DAGLB: variants seen among roughly 807,000 people sequenced by gnomAD.
DAGLB encodes diacylglycerol lipase beta.
DAGLB carries 66 observed loss-of-function variants against 72.1 expected under a neutral mutation model. That is an observed-to-expected ratio of 0.92 (90% CI 0.75 to 1.12). The LOEUF is 1.12. Among genes scored for constraint, DAGLB ranks in the 50% most tolerant of loss-of-function variants. DAGLB has a pLI of 0.00. For missense variants in DAGLB, 1,065 were observed against 884.9 expected (o/e 1.20, Z -2.58); for synonymous variants, 414 against 359.5 (o/e 1.15, Z -1.71).
chr7:6,443,211 A>C lies in DAGLB; in HGVS notation c.247+2742T>G, dbSNP rs532372460. On this transcript the variant is annotated intron_variant, in intron 2 of 14. Coordinates refer to ENST00000297056, the MANE Select transcript of DAGLB (RefSeq NM_139179.4). ...CCGGAAAAAAAAAACAAAAAACAAA[A>C]AAAACAAAACAAAACAAACAAAAAA... Among the ~76,000 whole-genome samples, 36 of 149,976 alleles carry C rather than the reference A, an allele frequency of 2.4e-4. No individual in the cohort carries two copies. The East Asian group carries it at 5.3e-3, about 22-fold the overall frequency.
In DAGLB at chr7:6,413,027, G is replaced by A. The variant is rs958744692; in HGVS notation, c.1435C>T (p.Leu479=). Residue 479 remains leucine (L), a synonymous_variant, in exon 12 of 15, where the codon CTG becomes TTG. Transcript: ENST00000297056. ...SPPRGLWSKA[L]QEYSQSFIVS... is the part of the protein sequence containing the mutation. The stretch of plus-strand genomic sequence containing the variant: ...ATGAAGCTCTGAGAATATTCCTGCA[G>A]AGCTTTGCTGAAATTCCAAACAGAG... 5.6e-6 allele frequency: 9 copies of A among 1,612,658 alleles called. No homozygotes were observed. Among genetic ancestry groups the A allele is most frequent in the African/African-American group, 4.0e-5 (3 of 75,032 alleles).
At chr7:6,410,741 T>C (rs1030426620) in intron 13 of DAGLB, among the ~76,000 whole-genome samples, 6 of 152,180 alleles carry the variant, frequency 3.9e-5, no homozygotes, top group African/African-American at 1.4e-4. Flanking sequence ...GCATTAGATA[T>C]TAATTTCTAT....
At chr7:6,414,521 G>C (rs1024745022) in intron 11 of DAGLB, among the ~76,000 whole-genome samples, 15 of 150,304 alleles carry the variant, frequency 1.0e-4, no homozygotes, top group African/African-American at 3.4e-4. Flanking sequence ...GGCTGGTCTC[G>C]ATCTCCTGGG....
intron 11 of DAGLB, among the ~76,000 whole-genome samples, chr7:6,413,771 C>T (rs956450190): frequency 2.6e-5 from 4 of 152,236 alleles, no homozygotes; most frequent in East Asian, 1.9e-4. Context: ...CTCCCAACAA[C>T]GAGTCACATA....
Position 6,423,590 on chromosome 7 carries a change from A to ATT in DAGLB, c.1140+1160_1140+1161dup, listed in dbSNP as rs1312490603. On this transcript the variant is annotated intron_variant, in intron 8 of 14. Transcript: ENST00000297056. The stretch of plus-strand genomic sequence containing the variant: ...AGGTTCCCGCCACCATGCCCGGCTA[A>ATT]TTTTTTTTTTTTTTCTGAGACAGGG... 1.1e-3 allele frequency among the ~76,000 whole-genome samples: 164 copies of ATT among 144,018 alleles called. 3 individuals carry two copies. The highest frequency in any genetic ancestry group is 6.9e-3 in the Middle Eastern group (2 of 288). 94.5% of individuals were successfully genotyped at this position (144,018 alleles called of 152,430 possible). A position where few individuals can be genotyped will look rare whatever the true frequency, so the allele number is the denominator to read the frequency against.
At chr7:6,444,798 C>T (rs976482770) in intron 2 of DAGLB, among the ~76,000 whole-genome samples, 4 of 151,210 alleles carry the variant, frequency 2.6e-5, no homozygotes, top group Admixed American at 2.0e-4. Flanking sequence ...CCCAGCTATT[C>T]GGGAGGCTGA....
At chr7:6,419,101 T>A (rs933072899) in intron 9 of DAGLB, among the ~76,000 whole-genome samples, 3 of 145,424 alleles carry the variant, frequency 2.1e-5, no homozygotes, top group Non-Finnish European at 3.0e-5. Context: ...TTTTTTTTTT[T>A]GAGACGGAGT....
In DAGLB at chr7:6,424,782, C is replaced by G. The variant is rs1784249799; in HGVS notation, c.1110G>C (p.Val370=). The G allele has an allele frequency of 6.2e-7, 1 of 1,613,836 alleles. No homozygotes were observed. Among genetic ancestry groups the G allele is most frequent in the African/African-American group, 1.3e-5 (1 of 75,018 alleles). ...VALDHRKESV[V]VAVRGTMSLQ... ...GAGACATGGTCCCCCTCACAGCGAC[C>G]ACAACAGACTCTTTCCTGTGATCCA... is the stretch of plus-strand genomic sequence containing the variant. The change falls in exon 8 of 15, where the codon GTG becomes GTC. Residue 370 remains valine (V), a synonymous_variant. Transcript: ENST00000297056.
chr7:6,440,063 A>G (rs1197652552), intron 2 of DAGLB, among the ~76,000 whole-genome samples: 7 of 133,726 alleles, frequency 5.2e-5, no homozygotes, highest in African/African-American at 5.9e-5. Context: ...AAAAAAAAAA[A>G]AAAAGAAAGA....
At chr7:6,432,385 C>T (rs931874565) in intron 5 of DAGLB, among the ~76,000 whole-genome samples, 5 of 141,546 alleles carry the variant, frequency 3.5e-5, no homozygotes, top group South Asian at 4.6e-4. Context: ...AGGCTGGGCA[C>T]GGTGGCTCAC....
rs991681829 is a variant in DAGLB, at chr7:6,445,087, T to C, written c.247+866A>G. Among the ~76,000 whole-genome samples the C allele has an allele frequency of 2.0e-5, 3 of 152,284 alleles. No homozygotes were observed. In the South Asian group the frequency reaches 6.2e-4, roughly 32 times the overall value. On this transcript the variant is annotated intron_variant, in intron 2 of 14. Transcript: ENST00000297056. ...AAAGTCTGGCAGTTCCTCAAAAGGTTTCACAGAGCATTAACACATGATCCA... is the reference window on the plus strand; with the variant it reads ...AAAGTCTGGCAGTTCCTCAAAAGGTCTCACAGAGCATTAACACATGATCCA...
intron 13 of DAGLB, among the ~76,000 whole-genome samples, chr7:6,411,907 T>C (rs1351254110): frequency 6.6e-6 from 1 of 152,188 alleles, no homozygotes; most frequent in Non-Finnish European, 1.5e-5. Flanking sequence ...AATGGATATC[T>C]ATCTTTATCG....
chr7:6,439,268 A>G (rs1246019754), intron 2 of DAGLB, among the ~76,000 whole-genome samples: 1 of 143,288 alleles, frequency 7.0e-6, no homozygotes, highest in African/African-American at 2.5e-5. Flanking sequence ...AAGAAAAAAA[A>G]AGAAAAAAAA....
rs569502855 is a variant in DAGLB, at chr7:6,433,730, T to C, written c.679-771A>G. ...TGGCAGGTGCCTGTCATCCCAGCTA[T>C]TGTAGTACTCTAGCTACTCAGTACG... On this transcript the variant is annotated intron_variant, in intron 4 of 14. Coordinates refer to ENST00000297056, the MANE Select transcript of DAGLB (RefSeq NM_139179.4). Among the ~76,000 whole-genome samples, 165 of 151,998 alleles carry C rather than the reference T, an allele frequency of 1.1e-3. 1 individual carries two copies. The highest frequency in any genetic ancestry group is 3.3e-3 in the Admixed American group (51 of 15,238).
At chr7:6,447,484 C>G (rs1785047093) in intron 1 of DAGLB, among the ~76,000 whole-genome samples, 1 of 152,216 alleles carries the variant, frequency 6.6e-6, no homozygotes, top group African/African-American at 2.4e-5. Context: ...TGCTCGCGTC[C>G]TGCTGCGCGG....
Position 6,413,041 on chromosome 7 carries a change from T to C in DAGLB, c.1428-7A>G. Reference sequence around the variant, plus strand: ...ATATTCCTGCAGAGCTTTGCTGAAATTCCAAACAGAGAGAGGATGTTAGCT... The same window carrying C: ...ATATTCCTGCAGAGCTTTGCTGAAACTCCAAACAGAGAGAGGATGTTAGCT... On this transcript the variant is annotated splice_region_variant and splice_polypyrimidine_tract_variant and intron_variant, in intron 11 of 14. Coordinates refer to ENST00000297056, the MANE Select transcript of DAGLB (RefSeq NM_139179.4). The C allele has an allele frequency of 1.2e-6, 2 of 1,611,568 alleles. No individual in the cohort carries two copies. The highest frequency in any genetic ancestry group is 1.7e-6 in the Non-Finnish European group (2 of 1,178,104).
intron 11 of DAGLB, among the ~76,000 whole-genome samples, chr7:6,414,217 A>G (rs979653156): frequency 4.0e-5 from 6 of 151,556 alleles, no homozygotes; most frequent in African/African-American, 1.5e-4. Context: ...TCACCGTGTT[A>G]GCCAGGATGG....
intron 3 of DAGLB, 27 bp from the exon 4 acceptor site, chr7:6,435,047 C>G (rs201940690): frequency 1.2e-6 from 2 of 1,609,086 alleles, no homozygotes; most frequent in Admixed American, 3.3e-5. Context: ...GGAAAAGGCT[C>G]GGTGACTGCG....
chr7:6,446,477 CAAAAAAAAAAAAAAAAAAAAA>C (rs748156438), intron 1 of DAGLB, among the ~76,000 whole-genome samples: 1 of 58,636 alleles, frequency 1.7e-5, no homozygotes, highest in Non-Finnish European at 2.9e-5. Flanking sequence ...GACTCCGTCT[CAAAAAAAAAAAAAAAAAAAAA>C]AAAAAAAAAA....
Sources: allele counts gnomAD v4.1 joint callset (sites outside exome capture counted in the v4.1 genomes callset), GRCh38; gene constraint gnomAD v4.1.1; transcripts MANE v1.5; gene names NCBI Gene and HGNC (gene_info 2026-07-23, HGNC 2026-07-21).